The following MTUS1 variants were observed in gnomAD, a reference collection of about 807,000 sequenced individuals.
MTUS1 encodes microtubule-associated tumor suppressor 1.
A neutral mutation model predicts 120.8 loss-of-function variants in MTUS1; 109 were observed. That is an observed-to-expected ratio of 0.90 (90% CI 0.77 to 1.06). The LOEUF (loss-of-function observed/expected upper bound fraction) is 1.06. Among genes scored for constraint, MTUS1 ranks in the 50% least tolerant of loss-of-function variants. The pLI is 0.00. For synonymous variants in MTUS1, 737 were observed against 550.5 expected, an observed-to-expected ratio of 1.34 and a Z score of -4.74; for missense variants, 2,210 against 1,486.3, an observed-to-expected ratio of 1.49 and a Z score of -8.01.
chr8:17,652,835 C>CA (rs200107266), intron 12 of MTUS1, among the ~76,000 whole-genome samples: 2,131 of 129,934 alleles, frequency 0.016, 43 homozygotes, highest in African/African-American at 0.05. Flanking sequence ...GACTCCCTCT[C>CA]AAAAAAAAAA....
At chr8:17,745,624 G>A (rs2047684783) in intron 2 of MTUS1, among the ~76,000 whole-genome samples, 2 of 152,200 alleles carry the variant, frequency 1.3e-5, no homozygotes, top group African/African-American at 4.8e-5. Flanking sequence ...ATTAGTGAGA[G>A]TGTACTCAAG....
At chr8:17,768,518 T>G (rs1347208977) in intron 1 of MTUS1, among the ~76,000 whole-genome samples, 1 of 112,832 alleles carries the variant, frequency 8.9e-6, no homozygotes, top group Non-Finnish European at 1.8e-5. Flanking sequence ...AGAGAAACTC[T>G]GTTTATGCCA....
intron 12 of MTUS1, among the ~76,000 whole-genome samples, chr8:17,652,528 G>A (rs1807237662): frequency 6.6e-6 from 1 of 151,944 alleles, no homozygotes; most frequent in African/African-American, 2.4e-5. Flanking sequence ...ATGGGTCCAG[G>A]GTTCCTTTTG....
chr8:17,739,793 T>C (rs530327581), intron 3 of MTUS1, among the ~76,000 whole-genome samples: 1 of 152,362 alleles, frequency 6.6e-6, no homozygotes, highest in South Asian at 2.1e-4. Context: ...GCTGCTATCA[T>C]TGACATTATA....
intron 3 of MTUS1, among the ~76,000 whole-genome samples, chr8:17,735,618 G>T (rs974745238): frequency 3.3e-5 from 5 of 152,178 alleles, no homozygotes; most frequent in African/African-American, 1.2e-4. Flanking sequence ...TCCTCTGCTG[G>T]CAAGCTCCTG....
intron 8 of MTUS1, among the ~76,000 whole-genome samples, chr8:17,662,830 T>C (rs1444294632): frequency 4.0e-5 from 5 of 123,496 alleles, no homozygotes; most frequent in African/African-American, 1.5e-4. Context: ...GTTCTCAGGA[T>C]TTAAGGAAAA....
At chr8:17,655,493 G>A (rs1474189191) in intron 9 of MTUS1, among the ~76,000 whole-genome samples, 1 of 152,072 alleles carries the variant, frequency 6.6e-6, no homozygotes, top group East Asian at 1.9e-4. Flanking sequence ...TGTTTCCAAG[G>A]CAGGCGGATC....
intron 5 of MTUS1, among the ~76,000 whole-genome samples, chr8:17,715,036 G>A (rs1822062427): frequency 6.7e-6 from 1 of 149,942 alleles, no homozygotes; most frequent in Non-Finnish European, 1.5e-5. Context: ...CTCATGAGTA[G>A]CTGGGACTAC....
chr8:17,698,165 A>G (rs911066986), intron 6 of MTUS1, among the ~76,000 whole-genome samples: 1 of 152,204 alleles, frequency 6.6e-6, no homozygotes. Context: ...ATCAGATGTA[A>G]TATCAGAGTT....
chr8:17,670,961 G>A (rs1428577826), intron 8 of MTUS1, among the ~76,000 whole-genome samples: 1 of 152,118 alleles, frequency 6.6e-6, no homozygotes, highest in East Asian at 1.9e-4. Flanking sequence ...TGATAATAAA[G>A]GTTAAATCAG....
Position 17,675,256 on chromosome 8 carries a change from C to T in MTUS1, c.2839-4G>A, listed in dbSNP as rs569573790. On this transcript the variant is annotated splice_region_variant and splice_polypyrimidine_tract_variant and intron_variant, in intron 7 of 14. Transcript: ENST00000693296. Reference sequence around the variant, plus strand: ...GTTGTTTCAGTGCTTCCTCCCGCTGCGGAAAACACACATCAAGTTACTCAT... The same window carrying T: ...GTTGTTTCAGTGCTTCCTCCCGCTGTGGAAAACACACATCAAGTTACTCAT... The T allele has an allele frequency of 5.3e-5, 86 of 1,613,796 alleles. 5 individuals carry two copies. The South Asian group carries it at 8.8e-4, about 16-fold the overall frequency.
In MTUS1 at chr8:17,743,797, G is replaced by A. The variant is rs769659521; in HGVS notation, c.2094C>T (p.Gly698=). Residue 698 remains glycine, a splice_region_variant and synonymous_variant, in exon 3 of 15, where the codon GGC becomes GGT. Coordinates refer to ENST00000693296, the MANE Select transcript of MTUS1 (RefSeq NM_001363059.2). ...ETFEYGSLFL[G]SASKTTTTSG... ...AGGTGGTCGTTGTTTTTGAAGCAGA[G>A]CCCTGTGAAAATAACAGTTAAGACT... 5 of 1,613,218 alleles carry A rather than the reference G, an allele frequency of 3.1e-6. No individual in the cohort carries two copies. Among genetic ancestry groups the A allele is most frequent in the South Asian group, 1.1e-5 (1 of 91,024 alleles).
rs144789020 is a variant in MTUS1 at position 17,713,225 on chromosome 8, G to A, written c.2612C>T (p.Ala871Val). ...KGPSRKNLFT[A>V]LNAVEKSRQK... ...AAGTGGTCACTCACCTGCATTAAGA[G>A]CTGTAAATAAATTTTTTCTCGAAGG... is the stretch of plus-strand genomic sequence containing the variant. Residue 871 changes from alanine (A) to valine (V), a missense_variant, in exon 6 of 15, where the codon GCT becomes GTT. By Grantham distance (64) the Ala-to-Val change is moderately conservative. Transcript: ENST00000693296. 8.8e-6 allele frequency: 14 copies of A among 1,598,290 alleles called. No individual in the cohort carries two copies. The Admixed American group carries it at 1.9e-4, about 21-fold the overall frequency.
In MTUS1 at chr8:17,766,049, A is replaced by C. The variant is rs184672453; in HGVS notation, c.-154-10088T>G. Among the ~76,000 whole-genome samples the C allele has an allele frequency of 4.6e-5, 7 of 152,322 alleles. No homozygotes were observed. The East Asian group carries it at 1.3e-3, about 29-fold the overall frequency. On this transcript the variant is annotated intron_variant, in intron 1 of 14. Transcript: ENST00000693296. ...GAGACCTTTATGCTAGCATTAGTTT[A>C]CCTTTGTTTAAATAAAAAAGCTTAA...
chr8:17,754,880 A>T lies in MTUS1; in HGVS notation c.928T>A (p.Phe310Ile), dbSNP rs2048480570. ...EVPNDSALQE[F>I]FCLSHDESNS... ...GATTCATCATGGGATAAACAAAAGA[A>T]CTCTTGTAATGCAGAATCATTGGGG... The change falls in exon 2 of 15, where the codon TTC becomes ATC. Residue 310 changes from phenylalanine to isoleucine, a missense_variant. Physicochemically the swap from Phe to Ile is conservative, Grantham distance 21 (BLOSUM62 0). Coordinates refer to ENST00000693296, the MANE Select transcript of MTUS1 (RefSeq NM_001363059.2). 2 of 1,614,184 alleles carry T rather than the reference A, an allele frequency of 1.2e-6. No individual in the cohort carries two copies. The highest frequency in any genetic ancestry group is 1.7e-6 in the Non-Finnish European group (2 of 1,180,040).
At chr8:17,789,348 TA>T (rs1243430549) in intron 1 of MTUS1, among the ~76,000 whole-genome samples, 1 of 152,126 alleles carries the variant, frequency 6.6e-6, no homozygotes, top group Non-Finnish European at 1.5e-5. Flanking sequence ...GTTTTTAAAT[TA>T]TATGCAGTTA....
intron 3 of MTUS1, among the ~76,000 whole-genome samples, chr8:17,732,556 G>A (rs1317815569): frequency 6.6e-6 from 1 of 152,038 alleles, no homozygotes; most frequent in Non-Finnish European, 1.5e-5. Flanking sequence ...TCCTCTATAT[G>A]GTGCTGAATC....
intron 1 of MTUS1, among the ~76,000 whole-genome samples, chr8:17,793,281 G>C (rs918894718): frequency 6.6e-6 from 1 of 152,142 alleles, no homozygotes; most frequent in Non-Finnish European, 1.5e-5. Context: ...GCACCTTCCA[G>C]CTCTGATGCT....
At chr8:17,768,718 CAAAACAAAAAACA>C (rs2049768854) in intron 1 of MTUS1, among the ~76,000 whole-genome samples, 1 of 151,902 alleles carries the variant, frequency 6.6e-6, no homozygotes, top group Non-Finnish European at 1.5e-5. Flanking sequence ...CTCCTACCTC[CAAAACAAAAAACA>C]AAAACAAAAA....
Sources: allele counts gnomAD v4.1 joint callset (sites outside exome capture counted in the v4.1 genomes callset), GRCh38; gene constraint gnomAD v4.1.1; transcripts MANE v1.5; gene names NCBI Gene and HGNC (gene_info 2026-07-23, HGNC 2026-07-21).